SPSB4: variants seen among roughly 807,000 people sequenced by gnomAD.
The protein encoded by SPSB4 is SPRY domain-containing SOCS box protein 4.
Under a neutral mutation model 20.9 loss-of-function variants are expected in SPSB4, and 21 were observed. That is an observed-to-expected ratio of 1.01 (90% CI 0.71 to 1.45). The LOEUF (loss-of-function observed/expected upper bound fraction) is 1.45. SPSB4 is among the 40% of genes most tolerant of loss of function. The probability of loss-of-function intolerance (pLI) is 0.00; values close to 1 mark genes in which losing one functional copy is unlikely to be tolerated. For missense variants in SPSB4, 399 were observed against 399.2 expected, an observed-to-expected ratio of 1.00 and a Z score of 0.00; for synonymous variants, 207 against 183.8, an observed-to-expected ratio of 1.13 and a Z score of -1.02.
At chr3:141,078,085 C>A (rs1336238276) in intron 2 of SPSB4, among the ~76,000 whole-genome samples, 2 of 152,182 alleles carry the variant, frequency 1.3e-5, no homozygotes, top group African/African-American at 4.8e-5. Flanking sequence ...GGTTTAAAAT[C>A]CTGTGAGTGT....
intron 2 of SPSB4, among the ~76,000 whole-genome samples, chr3:141,087,101 C>A (rs1364270058): frequency 1.3e-5 from 2 of 152,196 alleles, no homozygotes; most frequent in African/African-American, 4.8e-5. Flanking sequence ...GGCTTCTGAG[C>A]CTTCACAGCC....
At chr3:141,094,383 T>G (rs1316233850) in intron 2 of SPSB4, among the ~76,000 whole-genome samples, 1 of 152,144 alleles carries the variant, frequency 6.6e-6, no homozygotes, top group Non-Finnish European at 1.5e-5. Context: ...CCATGGGACA[T>G]CCAGGGGAGA....
chr3:141,108,089 C>A (rs1159704561), intron 2 of SPSB4, among the ~76,000 whole-genome samples: 2 of 152,040 alleles, frequency 1.3e-5, no homozygotes, highest in African/African-American at 2.4e-5. Flanking sequence ...CTGGTGCAAG[C>A]CCCTTCTGCT....
At chr3:141,143,176 G>A (rs915233797) in intron 2 of SPSB4, among the ~76,000 whole-genome samples, 4 of 151,968 alleles carry the variant, frequency 2.6e-5, no homozygotes, top group East Asian at 1.9e-4. Flanking sequence ...TATAAGAATC[G>A]CTACTCTTGC....
At chr3:141,102,503 A>G (rs1046553785) in intron 2 of SPSB4, among the ~76,000 whole-genome samples, 34 of 152,158 alleles carry the variant, frequency 2.2e-4, no homozygotes, top group African/African-American at 8.0e-4. Context: ...GGAGGAATTA[A>G]CAAGTGAGGT....
chr3:141,070,246 C>G (rs997208497), intron 2 of SPSB4, among the ~76,000 whole-genome samples: 5 of 152,168 alleles, frequency 3.3e-5, no homozygotes, highest in African/African-American at 1.2e-4. Flanking sequence ...ACAACTAATA[C>G]TTATGTAGTG....
At chr3:141,055,561 G>A (rs1330266343) in intron 1 of SPSB4, among the ~76,000 whole-genome samples, 1 of 152,206 alleles carries the variant, frequency 6.6e-6, no homozygotes, top group Non-Finnish European at 1.5e-5. Context: ...CATGGAGAGT[G>A]GGTTGGCGGG....
intron 2 of SPSB4, among the ~76,000 whole-genome samples, chr3:141,100,729 G>A (rs75336147): frequency 6.6e-6 from 1 of 152,214 alleles, no homozygotes; most frequent in African/African-American, 2.4e-5. Flanking sequence ...ATGGTGGCTT[G>A]AACAGGTGAG....
At chr3:141,111,062 C>T (rs1032952617) in intron 2 of SPSB4, among the ~76,000 whole-genome samples, 7 of 152,188 alleles carry the variant, frequency 4.6e-5, no homozygotes, top group Non-Finnish European at 1.0e-4. Flanking sequence ...CTATGTTATC[C>T]TAATTAGGCA....
chr3:141,146,972 T>C (rs1939424352), intron 2 of SPSB4, among the ~76,000 whole-genome samples, 170 bp from the exon 3 acceptor site: 2 of 152,132 alleles, frequency 1.3e-5, no homozygotes, highest in Non-Finnish European at 2.9e-5. Flanking sequence ...TAATGAACAC[T>C]CCTCTAGGCC....
chr3:141,084,266 T>A (rs938679364), intron 2 of SPSB4, among the ~76,000 whole-genome samples: 1 of 152,166 alleles, frequency 6.6e-6, no homozygotes, highest in Non-Finnish European at 1.5e-5. Flanking sequence ...AGCAGAAGCA[T>A]AGGGCTTGCT....
At chr3:141,129,960 C>T (rs1275390873) in intron 2 of SPSB4, among the ~76,000 whole-genome samples, 2 of 152,214 alleles carry the variant, frequency 1.3e-5, no homozygotes, top group Non-Finnish European at 2.9e-5. Context: ...GCACAGAGTT[C>T]ATCTGAAGAT....
intron 2 of SPSB4, among the ~76,000 whole-genome samples, chr3:141,109,396 A>G (rs1559850730): frequency 6.6e-6 from 1 of 151,994 alleles, no homozygotes; most frequent in Non-Finnish European, 1.5e-5. Context: ...AGGCCCAGAG[A>G]AGGTGGGGAG....
intron 2 of SPSB4, among the ~76,000 whole-genome samples, chr3:141,086,325 T>C (rs1337688777): frequency 6.6e-6 from 1 of 152,208 alleles, no homozygotes; most frequent in Non-Finnish European, 1.5e-5. Context: ...AGCAATTAGG[T>C]GCAGAGTTTA....
chr3:141,067,368 C>T (rs752394614), intron 2 of SPSB4, among the ~76,000 whole-genome samples: 5 of 152,212 alleles, frequency 3.3e-5, no homozygotes, highest in Non-Finnish European at 7.3e-5. Context: ...ACAGCTGCCT[C>T]TTATCTCCAG....
rs770017998 is a variant in SPSB4, at chr3:141,066,799, G to C, written c.694+1G>C. The C allele has an allele frequency of 6.5e-7, 1 of 1,536,792 alleles. No individual in the cohort carries two copies. Among genetic ancestry groups the C allele is most frequent in the East Asian group, 2.3e-5 (1 of 43,694 alleles). ...ATGCGCTACATCAACGGCCTTGACC[G>C]TAAGTTGTGCTGGGCTGGGGGGCAG... On this transcript the variant is annotated splice_donor_variant, in intron 2 of 2. Coordinates refer to ENST00000310546, the MANE Select transcript of SPSB4 (RefSeq NM_080862.3). LOFTEE classifies it high-confidence loss of function.
intron 2 of SPSB4, among the ~76,000 whole-genome samples, chr3:141,131,342 TTTTTAATGTAAACTTA>T (rs1274628645): frequency 2.6e-5 from 4 of 152,216 alleles, no homozygotes; most frequent in Non-Finnish European, 5.9e-5. Flanking sequence ...TCAGTGATTT[TTTTTAATGTAAACTTA>T]TTTTTGAAGT....
At chr3:141,081,641 G>C (rs796621780) in intron 2 of SPSB4, among the ~76,000 whole-genome samples, 9 of 151,956 alleles carry the variant, frequency 5.9e-5, no homozygotes, top group African/African-American at 2.2e-4. Flanking sequence ...GGGGCCAGGA[G>C]CTCTGCGGGG....
chr3:141,101,195 T>C (rs543540038), intron 2 of SPSB4, among the ~76,000 whole-genome samples: 87 of 152,246 alleles, frequency 5.7e-4, no homozygotes, highest in African/African-American at 1.9e-3. Context: ...AGAGCCCAAC[T>C]CTTGTCCCCT....
Sources: gnomAD v4.1 joint callset for allele counts (sites outside exome capture counted in the v4.1 genomes callset) on GRCh38, gnomAD v4.1.1 for gene constraint, MANE v1.5 for transcripts, NCBI Gene and HGNC (gene_info 2026-07-23, HGNC 2026-07-21) for gene names.